TRIML1: variants seen among roughly 807,000 people sequenced by gnomAD.
TRIML1 encodes tripartite motif family like 1, also known as probable E3 ubiquitin-protein ligase TRIML1.
A neutral mutation model predicts 32.3 loss-of-function variants in TRIML1; 34 were observed. The ratio of observed to expected loss-of-function variants is 1.05; its 90% CI spans 0.80 to 1.40. The LOEUF (loss-of-function observed/expected upper bound fraction) is 1.40, where lower values mean the gene tolerates loss of function less well. TRIML1 is among the 40% of genes most tolerant of loss of function. The probability of loss-of-function intolerance (pLI) is 0.00; values close to 1 mark genes in which losing one functional copy is unlikely to be tolerated. For synonymous variants in TRIML1, 244 were observed against 226.6 expected, an observed-to-expected ratio of 1.08 and a Z score of -0.69; for missense variants, 595 against 574.9, an observed-to-expected ratio of 1.03 and a Z score of -0.36.
chr4:188,139,375 T>C (rs893020458), upstream of TRIML1: 12 of 549,752 alleles, frequency 2.2e-5, no homozygotes, highest in African/African-American at 9.5e-5. Flanking sequence ...TAAGTCATAA[T>C]TGGCTTTGTG....
chr4:188,142,922 T>A (rs10050143), intron 3 of TRIML1: 120,275 of 160,860 alleles, frequency 0.75, 45,697 homozygotes, highest in Non-Finnish European at 0.81. Flanking sequence ...ATTTAATTAT[T>A]CATACCTGTG....
chr4:188,140,684 A>G, intron 2 of TRIML1, 61 bp downstream of exon 2: 1 of 1,177,826 alleles, frequency 8.5e-7, no homozygotes, highest in South Asian at 1.3e-5. Flanking sequence ...CTAAAGGGAA[A>G]TTTAGTGAAA....
In TRIML1 at chr4:188,139,479, C is replaced by G; in HGVS notation, c.-80C>G. On this transcript the variant is annotated 5_prime_UTR_variant, in exon 1 of 6. Transcript: ENST00000332517. Reference sequence around the variant, plus strand: ...AGGAACAGGTCACCCGCGTGTTACTCAAAACTGTAGGACGGCAGTGAGGGC... The same window carrying G: ...AGGAACAGGTCACCCGCGTGTTACTGAAAACTGTAGGACGGCAGTGAGGGC... 6.9e-7 allele frequency: 1 copy of G among 1,443,944 alleles called. No homozygotes were observed. The highest frequency in any genetic ancestry group is 9.3e-7 in the Non-Finnish European group (1 of 1,071,002). 89.4% of individuals were successfully genotyped at this position (1,443,944 alleles called of 1,614,324 possible).
rs745308447 is a variant in TRIML1 at position 188,144,016 on chromosome 4, A to G, written c.759-20A>G. 1 of 1,611,336 alleles carries G rather than the reference A, an allele frequency of 6.2e-7. No individual in the cohort carries two copies. The highest frequency in any genetic ancestry group is 8.5e-7 in the Non-Finnish European group (1 of 1,178,860). The stretch of plus-strand genomic sequence containing the variant: ...TCACGCGGTCTGTGCCGAGGAGTGA[A>G]CCTCTCTGCTCTCTTGCAGGAGCGA... On this transcript the variant is annotated intron_variant, in intron 4 of 5. Coordinates refer to ENST00000332517, the MANE Select transcript of TRIML1 (RefSeq NM_178556.5).
intron 5 of TRIML1, among the ~76,000 whole-genome samples, chr4:188,146,585 T>A (rs747465067): frequency 5.9e-5 from 9 of 152,116 alleles, no homozygotes; most frequent in Non-Finnish European, 1.3e-4. Flanking sequence ...ATGTTTTGTA[T>A]TTTTAGTAGA....
At chr4:188,141,832 G>A (rs2111227533) in intron 2 of TRIML1, among the ~76,000 whole-genome samples, 1 of 151,958 alleles carries the variant, frequency 6.6e-6, no homozygotes, top group East Asian at 2.0e-4. Context: ...CTAGGACTTG[G>A]CCAGGCATGG....
At chr4:188,150,095 C>CACCTGG (rs1735211652), downstream of TRIML1, among the ~76,000 whole-genome samples, 1 of 152,054 alleles carries the variant, frequency 6.6e-6, no homozygotes. Context: ...TGAGCCACCG[C>CACCTGG]GCCCGGCCTT....
At chr4:188,141,165 G>GTTTTTTTTTTTTTTTTTTTTTT (rs58714915) in intron 2 of TRIML1, among the ~76,000 whole-genome samples, 13 of 118,820 alleles carry the variant, frequency 1.1e-4, no homozygotes, top group Middle Eastern at 9.4e-3. Context: ...TTTGAAATCT[G>GTTTTTTTTTTTTTTTTTTTTTT]TTTTTTTTTT....
chr4:188,143,871 A>G lies in TRIML1; in HGVS notation c.758+11A>G, dbSNP rs1038264500. 1 of 1,614,056 alleles carries G rather than the reference A, an allele frequency of 6.2e-7. No homozygotes were observed. The highest frequency in any genetic ancestry group is 1.3e-5 in the African/African-American group (1 of 74,936). Reference sequence around the variant, plus strand: ...AGGAGCCCTGGAAAGGTAGGCTTTCATTCTGTGTTCAGTTATGCAAGCTGC... The same window carrying G: ...AGGAGCCCTGGAAAGGTAGGCTTTCGTTCTGTGTTCAGTTATGCAAGCTGC... On this transcript the variant is annotated intron_variant, in intron 4 of 5. Transcript: ENST00000332517.
chr4:188,140,776 A>G, intron 2 of TRIML1, 153 bp downstream of exon 2: 1 of 604,476 alleles, frequency 1.7e-6, no homozygotes. Flanking sequence ...CCTTCTTCTG[A>G]GCGTCCTCGT....
At chr4:188,147,948 A>G (rs565103027), downstream of TRIML1, among the ~76,000 whole-genome samples, 1 of 152,250 alleles carries the variant, frequency 6.6e-6, no homozygotes, top group South Asian at 2.1e-4. Context: ...TATGTTCAGA[A>G]CACTGCAAAT....
At chr4:188,145,117 A>T (rs976793714) in intron 5 of TRIML1, among the ~76,000 whole-genome samples, 1 of 152,022 alleles carries the variant, frequency 6.6e-6, no homozygotes, top group Non-Finnish European at 1.5e-5. Flanking sequence ...TTATGGTGGG[A>T]TCTGGTCTAT....
In TRIML1 at chr4:188,141,165, G is replaced by GTTTTTTTTTTTTTTT. The variant is rs58714915; in HGVS notation, c.504+547_504+561dup. On this transcript the variant is annotated intron_variant, in intron 2 of 5. Transcript: ENST00000332517. ...ATTCTCCCAATAGACTTTGAAATCT[G>GTTTTTTTTTTTTTTT]TTTTTTTTTTTTTTTTTTTGGAGAT... Among the ~76,000 whole-genome samples the GTTTTTTTTTTTTTTT allele has an allele frequency of 2.8e-3, 335 of 118,800 alleles. 29 individuals are homozygous for GTTTTTTTTTTTTTTT. Among genetic ancestry groups the GTTTTTTTTTTTTTTT allele is most frequent in the East Asian group, 0.018 (65 of 3,642 alleles). 77.9% of individuals were successfully genotyped at this position (118,800 alleles called of 152,430 possible). A position where few individuals can be genotyped will look rare whatever the true frequency, so the allele number is the denominator to read the frequency against.
chr4:188,144,456 G>C (rs1210438345), intron 5 of TRIML1, among the ~76,000 whole-genome samples: 4 of 146,224 alleles, frequency 2.7e-5, no homozygotes, highest in African/African-American at 1.0e-4. Context: ...TCCGCTTCCC[G>C]GGTTCACGCC....
intron 3 of TRIML1, 200 bp from the exon 4 acceptor site, chr4:188,143,638 T>G: frequency 1.5e-6 from 1 of 674,756 alleles, no homozygotes; most frequent in South Asian, 1.8e-5. Flanking sequence ...CTCTAGTCAT[T>G]GTGAGAAACA....
intron 1 of TRIML1, 108 bp downstream of exon 1, chr4:188,140,074 T>G (rs1734795627): frequency 8.6e-7 from 1 of 1,160,482 alleles, no homozygotes; most frequent in African/African-American, 1.5e-5. Flanking sequence ...AGGGCCCATC[T>G]GAGCACCACA....
rs145647080 is a variant in TRIML1 at position 188,147,231 on chromosome 4, C to T, written c.1266C>T (p.Asn422=). The change falls in exon 6 of 6, where the codon AAC becomes AAT. Residue 422 remains asparagine (N), a synonymous_variant. Coordinates refer to ENST00000332517, the MANE Select transcript of TRIML1 (RefSeq NM_178556.5). The part of the protein sequence containing the change: ...DYESGHIAFY[N]GTDESLIYSF... ...AATCTGGACATATAGCATTCTACAA[C>T]GGGACGGATGAATCCCTCATCTACA... 3.7e-5 allele frequency: 59 copies of T among 1,611,346 alleles called. No individual in the cohort carries two copies. Among genetic ancestry groups the T allele is most frequent in the African/African-American group, 3.6e-4 (27 of 74,958 alleles).
chr4:188,140,456 T>C (rs1176954509), intron 1 of TRIML1, 72 bp from the exon 2 acceptor site: 3 of 1,225,834 alleles, frequency 2.4e-6, no homozygotes, highest in Non-Finnish European at 3.6e-6. Context: ...ACTGCGCAGT[T>C]ACTGGTCTTC....
chr4:188,142,201 T>G, intron 2 of TRIML1, 51 bp from the exon 3 acceptor site: 1 of 1,259,142 alleles, frequency 7.9e-7, no homozygotes, highest in South Asian at 1.3e-5. Context: ...CTTACTAACT[T>G]TATCTCGTGT....
Sources: allele counts gnomAD v4.1 joint callset (sites outside exome capture counted in the v4.1 genomes callset), GRCh38; gene constraint gnomAD v4.1.1; transcripts MANE v1.5; gene names NCBI Gene and HGNC (gene_info 2026-07-23, HGNC 2026-07-21).